Variants in SENP7 observed in about 807,000 individuals in gnomAD.
The protein encoded by SENP7 is sentrin-specific protease 7.
Under a neutral mutation model 141.2 loss-of-function variants are expected in SENP7, and 64 were observed. The observed-to-expected ratio is 0.45, with a 90% CI of 0.37 to 0.56. SENP7 has a LOEUF of 0.56. Ranked by LOEUF, SENP7 falls within the 20% of genes least tolerant of loss-of-function variation. The pLI is 0.00. For missense variants in SENP7, 1,025 were observed against 1,212.2 expected, an observed-to-expected ratio of 0.85 and a Z score of 2.29; for synonymous variants, 382 against 426.4, an observed-to-expected ratio of 0.90 and a Z score of 1.28.
intron 1 of SENP7, among the ~76,000 whole-genome samples, chr3:101,506,019 A>ATTTTTTTTTTTTTTTTTTTTTTTTT (rs143265103): frequency 2.1e-5 from 3 of 142,126 alleles, no homozygotes; most frequent in Non-Finnish European, 1.5e-5. Flanking sequence ...TTTATTCCAT[A>ATTTTTTTTTTTTTTTTTTTTTTTTT]ATTTTTTTTT....
chr3:101,460,843 T>G (rs1469291080), intron 3 of SENP7, among the ~76,000 whole-genome samples: 1 of 152,018 alleles, frequency 6.6e-6, no homozygotes, highest in Admixed American at 6.6e-5. Context: ...ACACCTGTAA[T>G]CCCAGCACTC....
rs568228991 is a variant in SENP7, at chr3:101,364,919, T to G, written c.1391A>C (p.Gln464Pro). 2.7e-5 allele frequency: 43 copies of G among 1,600,518 alleles called. No individual in the cohort carries two copies. The East Asian group carries it at 9.1e-4, about 34-fold the overall frequency. The change falls in exon 10 of 24, where the codon CAA becomes CCA. Residue 464 changes from glutamine to proline, a missense_variant. Gln to Pro is a moderately conservative substitution (Grantham distance 76). This residue lies in a region of SENP7 where 228 missense variants were observed against 228.5 expected (regional missense o/e 1.00). Transcript: ENST00000394095. ...SSEILKLQSK[Q>P]DRETTNENES... ...ATTTTCATTAGTTGTCTCACGGTCT[T>G]GCTTAGATTGTAACTTAAGAATTTC...
intron 3 of SENP7, among the ~76,000 whole-genome samples, chr3:101,467,986 G>T (rs1486756724): frequency 6.6e-6 from 1 of 152,162 alleles, no homozygotes; most frequent in East Asian, 1.9e-4. Flanking sequence ...TGGCTAACTA[G>T]AATAAAGAGT....
intron 11 of SENP7, among the ~76,000 whole-genome samples, chr3:101,355,308 T>G (rs901737819): frequency 4.6e-5 from 7 of 152,230 alleles, no homozygotes; most frequent in Non-Finnish European, 7.3e-5. Context: ...AGAATGATAC[T>G]GCCTAGGTTG....
At chr3:101,361,404 T>C (rs1048406911) in intron 11 of SENP7, among the ~76,000 whole-genome samples, 11 of 152,170 alleles carry the variant, frequency 7.2e-5, no homozygotes, top group African/African-American at 2.4e-4. Context: ...TTCTTCTTTA[T>C]GCTCCAAACT....
chr3:101,357,943 T>C (rs2059787618), intron 11 of SENP7: 2 of 682,560 alleles, frequency 2.9e-6, no homozygotes. Context: ...GTAGAGAACG[T>C]GGCAAAGCTT....
At chr3:101,419,096 T>C (rs1415940353) in intron 4 of SENP7, among the ~76,000 whole-genome samples, 1 of 152,142 alleles carries the variant, frequency 6.6e-6, no homozygotes, top group Admixed American at 6.5e-5. Context: ...TTTCTGAGAA[T>C]ATGACCTTGA....
intron 3 of SENP7, among the ~76,000 whole-genome samples, chr3:101,463,364 A>AATAAATAAATATAT (rs1553744606): frequency 1.1e-5 from 1 of 89,248 alleles, no homozygotes; most frequent in Non-Finnish European, 2.2e-5. Flanking sequence ...TAAATAAATA[A>AATAAATAAATATAT]ATATATATAT....
chr3:101,454,120 T>C (rs151074510), intron 4 of SENP7, among the ~76,000 whole-genome samples: 1 of 152,310 alleles, frequency 6.6e-6, no homozygotes, highest in East Asian at 1.9e-4. Context: ...ACAGTCATTT[T>C]GAAAAAAAGT....
chr3:101,492,678 C>A (rs1328623432), intron 3 of SENP7, among the ~76,000 whole-genome samples: 1 of 152,230 alleles, frequency 6.6e-6, no homozygotes, highest in South Asian at 2.1e-4. Context: ...CAGAAGACAA[C>A]CCTGCCAGCA....
In SENP7 at chr3:101,364,914, G is replaced by C. The variant is rs765234689; in HGVS notation, c.1396C>G (p.Arg466Gly). 5.0e-6 allele frequency: 8 copies of C among 1,601,048 alleles called. No individual in the cohort carries two copies. Among genetic ancestry groups the C allele is most frequent in the Non-Finnish European group, 6.0e-6 (7 of 1,172,876 alleles). ...CTCTCATTTTCATTAGTTGTCTCAC[G>C]GTCTTGCTTAGATTGTAACTTAAGA... is the stretch of plus-strand genomic sequence containing the variant. ...EILKLQSKQD[R>G]ETTNENESTS... The change falls in exon 10 of 24, where the codon CGT (arginine) becomes GGT (glycine). Residue 466 changes from arginine (R) to glycine (G), a missense_variant. Transcript: ENST00000394095.
chr3:101,373,017 A>G (rs976199725), intron 6 of SENP7, among the ~76,000 whole-genome samples: 1 of 152,054 alleles, frequency 6.6e-6, no homozygotes. Context: ...AGGACTATAA[A>G]GACCAATTAC....
At chr3:101,340,010 A>G in intron 16 of SENP7, 85 bp downstream of exon 16, 1 of 1,426,798 alleles carries the variant, frequency 7.0e-7, no homozygotes, top group Non-Finnish European at 9.2e-7. Context: ...AACAGAATTT[A>G]AAATAATTCA....
At chr3:101,385,681 T>C (rs1477973023) in intron 6 of SENP7, among the ~76,000 whole-genome samples, 1 of 152,148 alleles carries the variant, frequency 6.6e-6, no homozygotes, top group Non-Finnish European at 1.5e-5. Flanking sequence ...CAAAGCCCAG[T>C]CAGCTGACCT....
intron 5 of SENP7, among the ~76,000 whole-genome samples, chr3:101,409,695 C>A (rs1445411409): frequency 6.6e-6 from 1 of 152,156 alleles, no homozygotes; most frequent in Non-Finnish European, 1.5e-5. Context: ...AAAGAACACT[C>A]TTTTCAACAA....
intron 4 of SENP7, among the ~76,000 whole-genome samples, chr3:101,439,144 C>T (rs1382159526): frequency 2.8e-5 from 3 of 108,346 alleles, no homozygotes; most frequent in African/African-American, 6.8e-5. Flanking sequence ...TCTGCCCGGC[C>T]GCCCATCGTC....
chr3:101,390,112 T>C (rs1211969380), intron 6 of SENP7, among the ~76,000 whole-genome samples: 2 of 150,168 alleles, frequency 1.3e-5, no homozygotes, highest in African/African-American at 4.9e-5. Flanking sequence ...CCCAGCTACT[T>C]GGGAGTCTGA....
chr3:101,328,469 A>G lies in SENP7; in HGVS notation c.2864+9T>C, dbSNP rs200237361. On this transcript the variant is annotated intron_variant, in intron 22 of 23. Coordinates refer to ENST00000394095, the MANE Select transcript of SENP7 (RefSeq NM_020654.5). Reference sequence around the variant, plus strand: ...AACAGACTGGAATGGTAAAATTGTCATTACTTACTCTCGTAAATTCTGAAC... The same window carrying G: ...AACAGACTGGAATGGTAAAATTGTCGTTACTTACTCTCGTAAATTCTGAAC... 1.2e-3 allele frequency: 1,913 copies of G among 1,606,852 alleles called. 4 individuals carry two copies. Among genetic ancestry groups the G allele is most frequent in the Non-Finnish European group, 1.4e-3 (1,697 of 1,174,346 alleles).
intron 23 of SENP7, among the ~76,000 whole-genome samples, chr3:101,326,913 A>G (rs945817496): frequency 6.6e-6 from 1 of 151,760 alleles, no homozygotes; most frequent in Non-Finnish European, 1.5e-5. Context: ...TCTCTGGGCT[A>G]TAGCTGGAGT....
Sources: gnomAD v4.1 joint callset for allele counts (sites outside exome capture counted in the v4.1 genomes callset) on GRCh38, gnomAD v4.1.1 for gene constraint, gnomAD v4.1.1 regional missense constraint, MANE v1.5 for transcripts, NCBI Gene and HGNC (gene_info 2026-07-23, HGNC 2026-07-21) for gene names.